The following EFHD1 variants were observed in gnomAD, a reference collection of about 807,000 sequenced individuals.
EFHD1 encodes EF-hand domain-containing protein D1.
EFHD1 carries 10 observed loss-of-function variants against 17.2 expected under a neutral mutation model. The observed-to-expected ratio is 0.58, with a 90% CI of 0.36 to 0.99. The LOEUF is 0.99. EFHD1 is among the 50% of genes least tolerant of loss of function. The pLI is 0.01. For synonymous variants in EFHD1, 153 were observed against 142.0 expected, an observed-to-expected ratio of 1.08 and a Z score of -0.55; for missense variants, 310 against 327.5, an observed-to-expected ratio of 0.95 and a Z score of 0.41.
intron 1 of EFHD1, chr2:232,611,914 G>T (rs948692935): frequency 6.6e-6 from 1 of 152,286 alleles, no homozygotes; most frequent in Admixed American, 6.5e-5. Flanking sequence ...GGTAGCAGGG[G>T]GTTAGGTGTC....
At position 232,662,870 on chromosome 2, in the gene EFHD1, C is replaced by A; in HGVS notation, c.371C>A (p.Ala124Asp). ...ELKLMMEKLGAPQTHLGLKSM... is the reference protein window; with the variant it reads ...ELKLMMEKLGDPQTHLGLKSM... ...AAGCTGATGATGGAGAAGCTGGGGG[C>A]CCCCCAGACCCACCTGGGCCTGAAG... The change falls in exon 2 of 4, where the codon GCC becomes GAC. Residue 124 changes from alanine to aspartate, a missense_variant. Transcript: ENST00000264059. The A allele has an allele frequency of 6.3e-7, 1 of 1,590,906 alleles. No individual in the cohort carries two copies. The highest frequency in any genetic ancestry group is 1.1e-5 in the South Asian group (1 of 87,526).
At chr2:232,671,844 G>A (rs935233766) in intron 2 of EFHD1, among the ~76,000 whole-genome samples, 6 of 152,234 alleles carry the variant, frequency 3.9e-5, no homozygotes, top group South Asian at 2.1e-4. Context: ...ATCACTTGAG[G>A]TCAGGAGTTT....
chr2:232,640,330 G>A (rs978238196), intron 1 of EFHD1, among the ~76,000 whole-genome samples: 2 of 152,286 alleles, frequency 1.3e-5, no homozygotes, highest in African/African-American at 4.8e-5. Flanking sequence ...GGCTGAGCTA[G>A]TGGGTCTCTA....
At chr2:232,667,525 T>A (rs991009823) in intron 2 of EFHD1, among the ~76,000 whole-genome samples, 1 of 150,832 alleles carries the variant, frequency 6.6e-6, no homozygotes, top group African/African-American at 2.5e-5. Flanking sequence ...CTTATTTTAT[T>A]TTAATTAATT....
Position 232,606,620 on chromosome 2 carries a change from G to T in EFHD1, c.14+447G>T, listed in dbSNP as rs1260858907. 3.1e-5 allele frequency: 6 copies of T among 195,490 alleles called. No individual in the cohort carries two copies. The East Asian group carries it at 7.0e-4, about 23-fold the overall frequency. 12.1% of individuals were successfully genotyped at this position (195,490 alleles called of 1,614,324 possible). A position where few individuals can be genotyped will look rare whatever the true frequency, so the allele number is the denominator to read the frequency against. Reference sequence around the variant, plus strand: ...AGTTGGGGTGCGACCGGGCGCGGTGGCTCAGCCTGTAATCCCAGCACTTTG... The same window carrying T: ...AGTTGGGGTGCGACCGGGCGCGGTGTCTCAGCCTGTAATCCCAGCACTTTG... On this transcript the variant is annotated intron_variant, in intron 1 of 3. Coordinates refer to the EFHD1 transcript ENST00000409613.
At chr2:232,648,309 C>A (rs1408012741) in intron 1 of EFHD1, among the ~76,000 whole-genome samples, 1 of 152,074 alleles carries the variant, frequency 6.6e-6, no homozygotes, top group African/African-American at 2.4e-5. Context: ...AACTTTGGGT[C>A]AAAGCTTTTG....
chr2:232,632,843 C>T (rs1694227483), upstream of EFHD1, among the ~76,000 whole-genome samples: 1 of 152,188 alleles, frequency 6.6e-6, no homozygotes, highest in African/African-American at 2.4e-5. Context: ...CCAGTCTGGT[C>T]TCGAACTCCT....
At chr2:232,681,143 G>A (rs952838918) in intron 3 of EFHD1, among the ~76,000 whole-genome samples, 3 of 151,830 alleles carry the variant, frequency 2.0e-5, no homozygotes, top group East Asian at 1.9e-4. Context: ...GCGACAGAGC[G>A]AGACTCCATC....
chr2:232,630,446 G>A (rs1470602899), upstream of EFHD1, among the ~76,000 whole-genome samples: 3 of 152,160 alleles, frequency 2.0e-5, no homozygotes, highest in South Asian at 2.1e-4. Flanking sequence ...CCTCAGGGGC[G>A]GGACATAGCT....
intron 3 of EFHD1, among the ~76,000 whole-genome samples, chr2:232,678,733 T>A (rs57777316): frequency 0.032 from 4,947 of 152,252 alleles, 183 homozygotes; most frequent in East Asian, 0.21. Context: ...CAGTGAGCTG[T>A]GATCGCACCA....
chr2:232,672,739 G>C (rs769814240), intron 3 of EFHD1, among the ~76,000 whole-genome samples: 6 of 152,196 alleles, frequency 3.9e-5, no homozygotes, highest in Admixed American at 3.9e-4. Context: ...AAGCATTTAG[G>C]AAGTGCCTGG....
At chr2:232,661,267 T>C (rs1375458564) in intron 1 of EFHD1, among the ~76,000 whole-genome samples, 3 of 152,140 alleles carry the variant, frequency 2.0e-5, no homozygotes, top group African/African-American at 4.8e-5. Context: ...CAGAACCTTT[T>C]TCTCATCTCA....
chr2:232,634,074 A>G (rs1694266625), intron 1 of EFHD1, 68 bp downstream of exon 1: 11 of 1,576,938 alleles, frequency 7.0e-6, no homozygotes, highest in Non-Finnish European at 8.5e-6. Flanking sequence ...TCTGGTCCGA[A>G]GTCCCGGGCC....
At chr2:232,655,991 A>G (rs1694754531) in intron 1 of EFHD1, among the ~76,000 whole-genome samples, 2 of 151,868 alleles carry the variant, frequency 1.3e-5, no homozygotes, top group Non-Finnish European at 2.9e-5. Context: ...TATTTTTAGT[A>G]GAGATGGGGT....
intron 1 of EFHD1, among the ~76,000 whole-genome samples, chr2:232,654,868 C>A (rs1694731313): frequency 6.6e-6 from 1 of 152,196 alleles, no homozygotes. Flanking sequence ...GGTGCTTCCT[C>A]TCCCAGCTGA....
chr2:232,644,974 T>TCTTA (rs1421086880), intron 1 of EFHD1, among the ~76,000 whole-genome samples: 10 of 138,080 alleles, frequency 7.2e-5, no homozygotes, highest in Non-Finnish European at 1.5e-4. Flanking sequence ...GAGAGATAGG[T>TCTTA]CTTACTATGT....
chr2:232,675,204 AAGG>A (rs1193837463), intron 3 of EFHD1, among the ~76,000 whole-genome samples: 1 of 126,176 alleles, frequency 7.9e-6, no homozygotes, highest in African/African-American at 4.0e-5. Flanking sequence ...AGAGAAAAGA[AAGG>A]AAGGAAGGAA....
upstream of EFHD1, among the ~76,000 whole-genome samples, chr2:232,632,003 CA>C (rs538543210): frequency 6.4e-3 from 879 of 136,694 alleles, 8 homozygotes; most frequent in African/African-American, 0.02. Flanking sequence ...AACTCCATCT[CA>C]AAAAAAAAAA....
At chr2:232,649,289 A>G (rs1391297660) in intron 1 of EFHD1, among the ~76,000 whole-genome samples, 2 of 152,190 alleles carry the variant, frequency 1.3e-5, no homozygotes, top group Non-Finnish European at 2.9e-5. Context: ...GTGGGCACGC[A>G]CAGCAGCAGA....
Sources: gnomAD v4.1 joint callset for allele counts (sites outside exome capture counted in the v4.1 genomes callset) on GRCh38, gnomAD v4.1.1 for gene constraint, MANE v1.5 for transcripts, NCBI Gene and HGNC (gene_info 2026-07-23, HGNC 2026-07-21) for gene names.